The following NCKAP5 variants were observed in gnomAD, a reference collection of about 807,000 sequenced individuals.
The protein encoded by NCKAP5 is nck-associated protein 5.
Under a neutral mutation model 167.0 loss-of-function variants are expected in NCKAP5, and 92 were observed. That is an observed-to-expected ratio of 0.55 (90% CI 0.47 to 0.66). The LOEUF (loss-of-function observed/expected upper bound fraction) is 0.66, where lower values mean the gene tolerates loss of function less well. Ranked by LOEUF, NCKAP5 falls within the 30% of genes least tolerant of loss-of-function variation. The probability of loss-of-function intolerance (pLI) is 0.00; values close to 1 mark genes in which losing one functional copy is unlikely to be tolerated. For missense variants in NCKAP5, 2,378 were observed against 2,315.0 expected (o/e 1.03, Z -0.56); for synonymous variants, 891 against 877.4 (o/e 1.02, Z -0.27).
intron 3 of NCKAP5, among the ~76,000 whole-genome samples, chr2:133,413,757 A>C (rs1688926954): frequency 6.6e-6 from 1 of 152,208 alleles, no homozygotes; most frequent in Admixed American, 6.5e-5. Context: ...CGTAACAATC[A>C]GAAGAAGCAG....
chr2:132,796,045 C>T (rs1192678300), intron 12 of NCKAP5, among the ~76,000 whole-genome samples: 1 of 151,984 alleles, frequency 6.6e-6, no homozygotes, highest in Non-Finnish European at 1.5e-5. Flanking sequence ...AATGGTCTAT[C>T]TACACTGATG....
intron 6 of NCKAP5, among the ~76,000 whole-genome samples, chr2:133,108,969 G>T (rs916687737): frequency 1.3e-5 from 2 of 152,100 alleles, no homozygotes. Context: ...CCATATCACA[G>T]TTATTGTGAA....
chr2:132,727,105 C>T (rs1690531189), intron 18 of NCKAP5, among the ~76,000 whole-genome samples: 1 of 152,204 alleles, frequency 6.6e-6, no homozygotes, highest in Admixed American at 6.5e-5. Flanking sequence ...ATTTCCAGTG[C>T]ATGGGGCTAG....
At chr2:132,992,744 G>A (rs150573748) in intron 7 of NCKAP5, among the ~76,000 whole-genome samples, 113 of 152,170 alleles carry the variant, frequency 7.4e-4, no homozygotes, top group African/African-American at 2.4e-3. Context: ...CCTTTGTCAA[G>A]ACCACCCTCT....
At chr2:132,818,277 G>C (rs1574319068) in intron 11 of NCKAP5, among the ~76,000 whole-genome samples, 1 of 152,198 alleles carries the variant, frequency 6.6e-6, no homozygotes, top group African/African-American at 2.4e-5. Flanking sequence ...GCTAAATTCT[G>C]TATAGGAAGA....
intron 6 of NCKAP5, among the ~76,000 whole-genome samples, chr2:133,040,354 C>T (rs2079173533): frequency 6.6e-6 from 1 of 152,100 alleles, no homozygotes. Context: ...TGACCTAATA[C>T]TTCTCTAGTA....
intron 5 of NCKAP5, among the ~76,000 whole-genome samples, chr2:133,149,233 A>T (rs2083301403): frequency 6.6e-6 from 1 of 152,166 alleles, no homozygotes; most frequent in Non-Finnish European, 1.5e-5. Context: ...AAGAAGTATG[A>T]TGTATTTATG....
At chr2:133,371,605 C>A (rs1685808585) in intron 3 of NCKAP5, among the ~76,000 whole-genome samples, 1 of 152,206 alleles carries the variant, frequency 6.6e-6, no homozygotes, top group African/African-American at 2.4e-5. Flanking sequence ...ATTTCTTCAA[C>A]TCTGAATGGA....
Position 133,058,673 on chromosome 2 carries a change from A to C in NCKAP5, c.342-64434T>G, listed in dbSNP as rs560518108. Among the ~76,000 whole-genome samples the C allele has an allele frequency of 4.6e-5, 7 of 152,354 alleles. No homozygotes were observed. The South Asian group carries it at 1.4e-3, about 32-fold the overall frequency. ...AAAGTAGCTTCTTGGGATGGAATAT[A>C]CTACTGTGAAGATACTATGTAGATT... On this transcript the variant is annotated intron_variant, in intron 6 of 19. Coordinates refer to ENST00000409261, the MANE Select transcript of NCKAP5 (RefSeq NM_207363.3).
the NCKAP5 span, among the ~76,000 whole-genome samples, chr2:133,664,919 C>A: frequency 1.3e-5 from 2 of 152,192 alleles, no homozygotes; most frequent in Non-Finnish European, 2.9e-5. Context: ...ATAGGGATAG[C>A]TTCTTTCTTT....
the NCKAP5 span, among the ~76,000 whole-genome samples, chr2:133,592,153 A>C: frequency 1.3e-5 from 2 of 152,190 alleles, no homozygotes; most frequent in Non-Finnish European, 2.9e-5. Context: ...TCTGCGTAGA[A>C]TTCTCCCAAA....
chr2:132,792,811 T>C (rs922004720), intron 12 of NCKAP5, among the ~76,000 whole-genome samples: 2 of 152,210 alleles, frequency 1.3e-5, no homozygotes, highest in East Asian at 1.9e-4. Context: ...ATTAAAATTA[T>C]ACCTATTTTT....
intron 11 of NCKAP5, among the ~76,000 whole-genome samples, chr2:132,860,078 C>A (rs1011899828): frequency 5.9e-5 from 9 of 152,242 alleles, no homozygotes; most frequent in Middle Eastern, 3.4e-3. Flanking sequence ...GAAAAACAAA[C>A]CCCACATGTA....
At chr2:132,960,019 G>T (rs4954012) in intron 8 of NCKAP5, among the ~76,000 whole-genome samples, 60,557 of 151,968 alleles carry the variant, frequency 0.4, 16,241 homozygotes, top group African/African-American at 0.73. Flanking sequence ...AATTACAATT[G>T]AAGCCCAGGG....
chr2:133,376,506 CA>C (rs1218123069), intron 3 of NCKAP5, among the ~76,000 whole-genome samples: 1 of 152,118 alleles, frequency 6.6e-6, no homozygotes, highest in Non-Finnish European at 1.5e-5. Context: ...CACTGTGATT[CA>C]ACTGTCTTTA....
intron 3 of NCKAP5, among the ~76,000 whole-genome samples, chr2:133,473,023 CA>C: frequency 6.6e-6 from 1 of 152,090 alleles, no homozygotes; most frequent in East Asian, 1.9e-4. Context: ...TGATCTTAAA[CA>C]AAGCTCCCTG....
intron 15 of NCKAP5, 36 bp downstream of exon 15, chr2:132,781,016 T>C (rs775032793): frequency 1.9e-6 from 3 of 1,601,920 alleles, no homozygotes; most frequent in East Asian, 4.5e-5. Context: ...ACATCTCAGA[T>C]TGTAGCACTT....
chr2:133,587,711 C>G, the NCKAP5 span, among the ~76,000 whole-genome samples: 1 of 152,206 alleles, frequency 6.6e-6, no homozygotes, highest in African/African-American at 2.4e-5. Flanking sequence ...CTTCCCCATG[C>G]CTTGCCACAA....
chr2:133,266,444 A>T (rs2089225094), intron 4 of NCKAP5: 1 of 152,162 alleles, frequency 6.6e-6, no homozygotes, highest in Non-Finnish European at 1.5e-5. Flanking sequence ...CAGGTGCCGA[A>T]GGGCTGGGGC....
Sources: gnomAD v4.1 joint callset for allele counts (sites outside exome capture counted in the v4.1 genomes callset) on GRCh38, gnomAD v4.1.1 for gene constraint, MANE v1.5 for transcripts, NCBI Gene and HGNC (gene_info 2026-07-23, HGNC 2026-07-21) for gene names.